UNC5D: variants seen among roughly 807,000 people sequenced by gnomAD.
UNC5D encodes netrin receptor UNC5D.
Under a neutral mutation model 105.4 loss-of-function variants are expected in UNC5D, and 39 were observed. That is an observed-to-expected ratio of 0.37 (90% CI 0.29 to 0.48). The LOEUF (loss-of-function observed/expected upper bound fraction) is 0.48. Ranked by LOEUF, UNC5D falls within the 20% of genes least tolerant of loss-of-function variation. UNC5D has a pLI of 0.98. For missense variants in UNC5D, 991 were observed against 1,202.4 expected (o/e 0.82, Z 2.60); for synonymous variants, 452 against 450.4 (o/e 1.00, Z -0.04).
At chr8:35,326,776 A>G (rs1810196301) in intron 1 of UNC5D, among the ~76,000 whole-genome samples, 1 of 152,064 alleles carries the variant, frequency 6.6e-6, no homozygotes, top group African/African-American at 2.4e-5. Context: ...GTGAAGGAAA[A>G]AAAAAAAGGC....
chr8:35,785,977 T>G (rs1193686578), intron 16 of UNC5D, among the ~76,000 whole-genome samples: 9 of 152,136 alleles, frequency 5.9e-5, no homozygotes, highest in African/African-American at 1.9e-4. Context: ...CCTGCTTAAG[T>G]TTTGATTTCG....
intron 16 of UNC5D, among the ~76,000 whole-genome samples, chr8:35,778,825 T>C (rs1483034683): frequency 1.3e-5 from 2 of 152,230 alleles, no homozygotes; most frequent in African/African-American, 4.8e-5. Context: ...CTGATGATAA[T>C]ATGCCTTTTT....
At chr8:35,498,079 C>CAA (rs141361517) in intron 1 of UNC5D, among the ~76,000 whole-genome samples, 10 of 59,416 alleles carry the variant, frequency 1.7e-4, no homozygotes, top group Non-Finnish European at 3.8e-4. Flanking sequence ...CAAAACAAAA[C>CAA]AAAACAAAAA....
At chr8:35,436,655 A>G (rs989110732) in intron 1 of UNC5D, among the ~76,000 whole-genome samples, 31 of 152,104 alleles carry the variant, frequency 2.0e-4, no homozygotes, top group Admixed American at 1.4e-3. Flanking sequence ...AATACTAATC[A>G]AAAACTGTAT....
intron 1 of UNC5D, among the ~76,000 whole-genome samples, chr8:35,470,155 G>A (rs1486456794): frequency 6.6e-6 from 1 of 152,172 alleles, no homozygotes; most frequent in Non-Finnish European, 1.5e-5. Flanking sequence ...AGTAATTGAG[G>A]AGACAAATGT....
chr8:35,534,034 A>T (rs572311400), intron 1 of UNC5D, among the ~76,000 whole-genome samples: 38 of 152,070 alleles, frequency 2.5e-4, no homozygotes, highest in African/African-American at 8.9e-4. Context: ...GGAACTGTAG[A>T]CCGGAGCTGT....
chr8:35,745,824 CT>C (rs1829975525), intron 11 of UNC5D, among the ~76,000 whole-genome samples: 2 of 152,170 alleles, frequency 1.3e-5, no homozygotes, highest in African/African-American at 4.8e-5. Context: ...CCTGAAATCA[CT>C]GCTTTTATTA....
chr8:35,650,134 C>A lies in UNC5D; in HGVS notation c.571-33413C>A, dbSNP rs369342561. On this transcript the variant is annotated intron_variant, in intron 4 of 16. Transcript: ENST00000404895. Reference sequence around the variant, plus strand: ...GAAACTACAAAAAACAAACAAAAAACAAAAAACAAAAAACAAAACACCCCA... The same window carrying A: ...GAAACTACAAAAAACAAACAAAAAAAAAAAAACAAAAAACAAAACACCCCA... 7.4e-3 allele frequency among the ~76,000 whole-genome samples: 1,093 copies of A among 147,016 alleles called. 22 individuals carry two copies. The highest frequency in any genetic ancestry group is 0.025 in the African/African-American group (1,008 of 41,092).
chr8:35,723,407 T>C, intron 9 of UNC5D, among the ~76,000 whole-genome samples: 1 of 152,138 alleles, frequency 6.6e-6, no homozygotes, highest in East Asian at 1.9e-4. Flanking sequence ...TAATTGGAAA[T>C]AAATCCAAAT....
At chr8:35,547,564 G>T (rs549476040) in intron 1 of UNC5D, among the ~76,000 whole-genome samples, 22 of 152,308 alleles carry the variant, frequency 1.4e-4, no homozygotes, top group Non-Finnish European at 3.1e-4. Flanking sequence ...CTCTCAAAGT[G>T]TTGGGATTAC....
At chr8:35,442,856 C>T (rs1585854113) in intron 1 of UNC5D, among the ~76,000 whole-genome samples, 1 of 141,000 alleles carries the variant, frequency 7.1e-6, no homozygotes, top group Non-Finnish European at 1.5e-5. Flanking sequence ...TTTCTTACAC[C>T]ATCTCTCTCT....
chr8:35,327,746 T>C (rs540196848), intron 1 of UNC5D, among the ~76,000 whole-genome samples: 11 of 152,288 alleles, frequency 7.2e-5, no homozygotes, highest in Admixed American at 2.0e-4. Flanking sequence ...TCCAGGATGA[T>C]GGATTGAAGG....
At chr8:35,483,184 T>G (rs1055492227) in intron 1 of UNC5D, among the ~76,000 whole-genome samples, 49 of 152,170 alleles carry the variant, frequency 3.2e-4, no homozygotes, top group East Asian at 3.9e-4. Context: ...TGAATCTTGG[T>G]GGACAGGCCT....
At chr8:35,713,395 C>G (rs1370860145) in intron 8 of UNC5D, among the ~76,000 whole-genome samples, 1 of 152,190 alleles carries the variant, frequency 6.6e-6, no homozygotes, top group African/African-American at 2.4e-5. Context: ...TCAAATTCTG[C>G]TCTTTTTGAC....
chr8:35,405,950 C>T lies in UNC5D; in HGVS notation c.104-143342C>T, dbSNP rs558327750. Among the ~76,000 whole-genome samples, 399 of 152,162 alleles carry T rather than the reference C, an allele frequency of 2.6e-3. 2 individuals are homozygous for T. The highest frequency in any genetic ancestry group is 9.0e-3 in the African/African-American group (373 of 41,532). ...TTTAGCTGTATTCTAGGTTTGCAGA[C>T]TTAAATGGACTAAAGGGAAGGAAAA... is the stretch of plus-strand genomic sequence containing the variant. On this transcript the variant is annotated intron_variant, in intron 1 of 16. Transcript: ENST00000404895.
intron 2 of UNC5D, among the ~76,000 whole-genome samples, chr8:35,551,676 G>C (rs1360023324): frequency 6.6e-6 from 1 of 152,016 alleles, no homozygotes; most frequent in Admixed American, 6.6e-5. Context: ...AAATTAGCCA[G>C]GGTTGGTGAC....
chr8:35,443,246 G>C (rs533071015), intron 1 of UNC5D, among the ~76,000 whole-genome samples: 1 of 151,848 alleles, frequency 6.6e-6, no homozygotes. Context: ...TGTACCTACT[G>C]TGTGTGCTGT....
chr8:35,730,981 ATGAATAACC>A, intron 10 of UNC5D, 22 bp from the exon 11 acceptor site: 1 of 1,608,090 alleles, frequency 6.2e-7, no homozygotes, highest in East Asian at 2.2e-5. Context: ...GGAAAAATCT[ATGAATAACC>A]TGTTGGCTTT....
chr8:35,598,459 T>C (rs1237341677), intron 4 of UNC5D, among the ~76,000 whole-genome samples: 1 of 152,138 alleles, frequency 6.6e-6, no homozygotes, highest in African/African-American at 2.4e-5. Flanking sequence ...GGAATGGAAA[T>C]TGGTATAGCC....
Sources: allele counts gnomAD v4.1 joint callset (sites outside exome capture counted in the v4.1 genomes callset), GRCh38; gene constraint gnomAD v4.1.1; transcripts MANE v1.5; gene names NCBI Gene and HGNC (gene_info 2026-07-23, HGNC 2026-07-21).